The following TNRC6B variants were observed in gnomAD, a reference collection of about 807,000 sequenced individuals.
TNRC6B encodes the protein trinucleotide repeat-containing gene 6B protein.
TNRC6B carries 52 observed loss-of-function variants against 203.6 expected under a neutral mutation model. The ratio of observed to expected loss-of-function variants is 0.26; its 90% CI spans 0.20 to 0.32. TNRC6B has a LOEUF of 0.32. Ranked by LOEUF, TNRC6B falls within the 10% of genes least tolerant of loss-of-function variation. The pLI is 1.00. For missense variants in TNRC6B, 1,923 were observed against 2,286.2 expected (o/e 0.84, Z 3.24); for synonymous variants, 838 against 845.7 (o/e 0.99, Z 0.16).
chr22:40,244,981 A>G (rs1002128640), intron 1 of TNRC6B, among the ~76,000 whole-genome samples: 2 of 152,208 alleles, frequency 1.3e-5, no homozygotes, highest in Non-Finnish European at 2.9e-5. Context: ...ATGATTGTAT[A>G]CCATTTTTAT....
chr22:40,093,627 A>G lies in TNRC6B; in HGVS notation c.-120-23428A>G, dbSNP rs78062900. Among the ~76,000 whole-genome samples the G allele has an allele frequency of 9.8e-3, 1,492 of 152,356 alleles. 18 individuals are homozygous for G. The highest frequency in any genetic ancestry group is 0.034 in the African/African-American group (1,425 of 41,588). On this transcript the variant is annotated intron_variant, in intron 1 of 23. Transcript: ENST00000301923. ...CTGGAAGAAAAGTAACCATCTGTCA[A>G]GAATGAGGGCAAAACAAAAGCATTT...
intron 1 of TNRC6B, among the ~76,000 whole-genome samples, chr22:40,184,257 T>G (rs898890732): frequency 1.3e-5 from 2 of 152,060 alleles, no homozygotes; most frequent in African/African-American, 4.8e-5. Context: ...ACTGCTGAAG[T>G]TAGAGAATAG....
At chr22:40,172,568 G>A (rs2069012082) in intron 4 of TNRC6B, among the ~76,000 whole-genome samples, 1 of 152,136 alleles carries the variant, frequency 6.6e-6, no homozygotes, top group Non-Finnish European at 1.5e-5. Context: ...ACTCAGTTCT[G>A]TCTGATAATA....
upstream of TNRC6B, among the ~76,000 whole-genome samples, chr22:40,174,916 TAATA>T (rs779285022): frequency 6.6e-6 from 1 of 152,176 alleles, no homozygotes; most frequent in Non-Finnish European, 1.5e-5. Flanking sequence ...GAAAAAAGTA[TAATA>T]AATCTATCAC....
At position 40,066,514 on chromosome 22, in the gene TNRC6B, A is replaced by G. The variant is rs376221257; in HGVS notation, c.-121+21516A>G. 5.9e-5 allele frequency among the ~76,000 whole-genome samples: 9 copies of G among 152,242 alleles called. No homozygotes were observed. In the South Asian group the frequency reaches 1.4e-3, roughly 25 times the overall value. ...CAGGAGTATGTTTTCAGGTCTGGAT[A>G]TGTGATTTCTCATCTGGGTAATACT... is the stretch of plus-strand genomic sequence containing the variant. On this transcript the variant is annotated intron_variant, in intron 1 of 23. Transcript: ENST00000301923.
intron 12 of TNRC6B, among the ~76,000 whole-genome samples, chr22:40,295,704 A>G (rs1280633669): frequency 6.6e-6 from 1 of 152,042 alleles, no homozygotes; most frequent in African/African-American, 2.4e-5. Flanking sequence ...AAGCATGAAT[A>G]AAACACAGAG....
chr22:40,170,580 TTA>T (rs1226281606), intron 4 of TNRC6B, among the ~76,000 whole-genome samples: 10 of 37,346 alleles, frequency 2.7e-4, no homozygotes, highest in East Asian at 8.3e-4. Flanking sequence ...TATATATAGT[TTA>T]TATATATATT....
chr22:40,138,949 A>G (rs947845300), intron 3 of TNRC6B, among the ~76,000 whole-genome samples: 1 of 152,190 alleles, frequency 6.6e-6, no homozygotes, highest in African/African-American at 2.4e-5. Context: ...ATTAAGGTAT[A>G]CTTTACATCC....
chr22:40,324,355 G>T lies in TNRC6B; in HGVS notation c.*1114G>T, dbSNP rs1215893720. ...TGAGTATCTGTTAAGTTTCATGCAG[G>T]CCTTTTCGTTAGTTTGAAATGGGAA... On this transcript the variant is annotated 3_prime_UTR_variant, in exon 23 of 23. Transcript: ENST00000454349. 1 of 152,342 alleles carries T rather than the reference G, an allele frequency of 6.6e-6. No individual in the cohort carries two copies. The highest frequency in any genetic ancestry group is 1.5e-5 in the Non-Finnish European group (1 of 67,992). The allele number at this position is 152,342 out of a possible 1,614,324, so 9.4% of individuals were successfully genotyped here. A position where few individuals can be genotyped will look rare whatever the true frequency, so the allele number is the denominator to read the frequency against.
Position 40,128,558 on chromosome 22 carries a change from GGCTCACGGCTCACGGCTCACAGCTCACA to G in TNRC6B, c.45+2703_45+2730del, listed in dbSNP as rs2068514341. ...GGTATGATCACGGCTCACGGCTCAC[GGCTCACGGCTCACGGCTCACAGCTCACA>G]GCTCACAGCTCACTGCAGCCTCAAC... On this transcript the variant is annotated intron_variant, in intron 3 of 23. Coordinates refer to the TNRC6B transcript ENST00000301923. 2.7e-5 allele frequency among the ~76,000 whole-genome samples: 4 copies of G among 150,890 alleles called. No individual in the cohort carries two copies. In the East Asian group the frequency reaches 7.7e-4, roughly 29 times the overall value.
chr22:40,160,142 A>C (rs926532042), intron 4 of TNRC6B, among the ~76,000 whole-genome samples: 3 of 152,016 alleles, frequency 2.0e-5, no homozygotes, highest in Non-Finnish European at 4.4e-5. Flanking sequence ...ACGTCTGTCA[A>C]ACATTCTGTT....
intron 3 of TNRC6B, among the ~76,000 whole-genome samples, chr22:40,145,682 A>C (rs2146342363): frequency 6.6e-6 from 1 of 152,260 alleles, no homozygotes; most frequent in East Asian, 1.9e-4. Context: ...TCTCTACTAA[A>C]AATACAAAAA....
intron 4 of TNRC6B, 61 bp downstream of exon 4, chr22:40,262,234 A>G (rs943075610): frequency 2.3e-6 from 3 of 1,315,320 alleles, no homozygotes; most frequent in Non-Finnish European, 3.0e-6. Context: ...CTTTGTTTGC[A>G]TTGCTTGATG....
At chr22:40,300,383 A>C in intron 12 of TNRC6B, 72 bp from the exon 13 acceptor site, 1 of 1,397,680 alleles carries the variant, frequency 7.2e-7, no homozygotes, top group Non-Finnish European at 9.4e-7. Flanking sequence ...TTCTTTTCAC[A>C]GAAAAACAGT....
At chr22:40,277,375 C>T (rs1434605507) in intron 8 of TNRC6B, among the ~76,000 whole-genome samples, 2 of 152,084 alleles carry the variant, frequency 1.3e-5, no homozygotes, top group Non-Finnish European at 2.9e-5. Context: ...GTCATTTTGT[C>T]CTTTTCCTTA....
chr22:40,299,233 C>T (rs1601503067), intron 12 of TNRC6B, among the ~76,000 whole-genome samples: 3 of 147,648 alleles, frequency 2.0e-5, no homozygotes, highest in African/African-American at 7.5e-5. Context: ...GCCTCTAGAA[C>T]TAAAGTCTTT....
chr22:40,205,020 C>G (rs1486408659), intron 1 of TNRC6B, among the ~76,000 whole-genome samples: 1 of 152,172 alleles, frequency 6.6e-6, no homozygotes, highest in Non-Finnish European at 1.5e-5. Context: ...CAGTATACAA[C>G]TATGTAGCTA....
At chr22:40,079,177 T>C (rs772060564) in intron 1 of TNRC6B, among the ~76,000 whole-genome samples, 5 of 151,946 alleles carry the variant, frequency 3.3e-5, no homozygotes, top group Non-Finnish European at 7.4e-5. Context: ...CCTCCCAAAG[T>C]GCTGGGATTA....
chr22:40,049,562 C>T (rs2067728275), intron 1 of TNRC6B, among the ~76,000 whole-genome samples: 1 of 152,194 alleles, frequency 6.6e-6, no homozygotes, highest in Non-Finnish European at 1.5e-5. Flanking sequence ...CCTCACCTCT[C>T]TTCCATACTC....
Sources: allele counts gnomAD v4.1 joint callset (sites outside exome capture counted in the v4.1 genomes callset), GRCh38; gene constraint gnomAD v4.1.1; transcripts MANE v1.5; gene names NCBI Gene and HGNC (gene_info 2026-07-23, HGNC 2026-07-21).